CBX6: variants seen among roughly 807,000 people sequenced by gnomAD.
CBX6 encodes chromobox 6.
CBX6 carries 7 observed loss-of-function variants against 28.4 expected under a neutral mutation model. The observed-to-expected ratio is 0.25, with a 90% CI of 0.14 to 0.46. CBX6 has a LOEUF of 0.46. Ranked by LOEUF, CBX6 falls within the 20% of genes least tolerant of loss-of-function variation. CBX6 has a pLI of 0.99. For missense variants in CBX6, 512 were observed against 606.1 expected (o/e 0.84, Z 1.63); for synonymous variants, 297 against 273.4 (o/e 1.09, Z -0.85).
Position 38,870,053 on chromosome 22 carries a change from A to C in CBX6, c.246+1427T>G, listed in dbSNP as rs950795134. 1 of 152,400 alleles carries C rather than the reference A, an allele frequency of 6.6e-6. No homozygotes were observed. Among genetic ancestry groups the C allele is most frequent in the Non-Finnish European group, 1.5e-5 (1 of 68,090 alleles). 9.4% of individuals were successfully genotyped at this position (152,400 alleles called of 1,614,324 possible). On this transcript the variant is annotated intron_variant, in intron 4 of 4. Coordinates refer to ENST00000407418, the MANE Select transcript of CBX6 (RefSeq NM_014292.5). The surrounding 1 kb of genome is among the most constrained non-coding windows in gnomAD (Gnocchi z 4.3). ...AAAAAGTCCTACTATCTGTGTCTCT[A>C]TCCCCTGCCACGCCAACTCTGCAGC...
Position 38,871,605 on chromosome 22 carries a change from T to A in CBX6, c.180-59A>T. 6.3e-7 allele frequency: 1 copy of A among 1,593,338 alleles called. No homozygotes were observed. Among genetic ancestry groups the A allele is most frequent in the Non-Finnish European group, 8.6e-7 (1 of 1,161,686 alleles). The stretch of plus-strand genomic sequence containing the variant: ...CCCCTTCCCGGGCCCCACTCCGCGC[T>A]GCCCTCCCCGGCTCTCCCGCTTCCC... On this transcript the variant is annotated intron_variant, in intron 3 of 4. Coordinates refer to ENST00000407418, the MANE Select transcript of CBX6 (RefSeq NM_014292.5). This position sits in a 1 kb window ranked among gnomAD's most constrained non-coding sequence, Gnocchi z 5.6.
chr22:38,866,701 C>A lies in CBX6; in HGVS notation c.747G>T (p.Lys249Asn). ...CAGGGCCCGGGGCTGAGGCCTCAGC[C>A]TTGCCGGGGGACGGGGCTACCAGGG... Reference protein sequence around the residue: ...PAPLVAPSPGKAEASAPGPGL... With the variant: ...PAPLVAPSPGNAEASAPGPGL... The change falls in exon 5 of 5, where the codon AAG becomes AAT. Residue 249 changes from lysine to asparagine, a missense_variant. Transcript: ENST00000407418. This position sits in a 1 kb window ranked among gnomAD's most constrained non-coding sequence, Gnocchi z 7.5. 1.4e-6 allele frequency: 2 copies of A among 1,383,858 alleles called. No homozygotes were observed. Among genetic ancestry groups the A allele is most frequent in the South Asian group, 1.2e-5 (1 of 80,652 alleles). The allele number at this position is 1,383,858 out of a possible 1,614,324, so 85.7% of individuals were successfully genotyped here. A position where few individuals can be genotyped will look rare whatever the true frequency, so the allele number is the denominator to read the frequency against.
At position 38,866,809 on chromosome 22, in the gene CBX6, C is replaced by T. The variant is rs764117325; in HGVS notation, c.639G>A (p.Lys213=). The part of the protein sequence containing the change: ...PSRNRVIGKS[K]KFSESVLRTQ... ...TACGCAGGACGCTCTCGCTGAACTT[C>T]TTGCTCTTGCCTATAACGCGGTTCC... Residue 213 remains lysine, a synonymous_variant, in exon 5 of 5, where the codon AAG becomes AAA. Coordinates refer to ENST00000407418, the MANE Select transcript of CBX6 (RefSeq NM_014292.5). This position sits in a 1 kb window ranked among gnomAD's most constrained non-coding sequence, Gnocchi z 7.5. The T allele has an allele frequency of 6.2e-7, 1 of 1,612,546 alleles. No individual in the cohort carries two copies. Among genetic ancestry groups the T allele is most frequent in the Non-Finnish European group, 8.5e-7 (1 of 1,179,440 alleles).
Position 38,862,529 on chromosome 22 carries a change from AAAAAAAAAAAAAAAAAG to A in CBX6, c.*3663_*3679del, listed in dbSNP as rs1436280036. On this transcript the variant is annotated 3_prime_UTR_variant, in exon 5 of 5. Transcript: ENST00000407418. ...GTGTGGGCGAAGTGCAAAAAAAAAAAAAAAAAAAAAAAAAAAGAAAGAAAGAAAAAAGAAAAACAAAA... is the reference window on the plus strand; with the variant it reads ...GTGTGGGCGAAGTGCAAAAAAAAAAAAAAGAAAGAAAAAAGAAAAACAAAA... 1 of 147,300 alleles carries A rather than the reference AAAAAAAAAAAAAAAAAG, an allele frequency of 6.8e-6. No homozygotes were observed. The highest frequency in any genetic ancestry group is 2.1e-4 in the South Asian group (1 of 4,748). The allele number at this position is 147,300 out of a possible 1,614,324, so 9.1% of individuals were successfully genotyped here. A position where few individuals can be genotyped will look rare whatever the true frequency, so the allele number is the denominator to read the frequency against.
rs866161457 is a variant in CBX6, at chr22:38,862,357, C to T, written c.*3852G>A. 1.3e-5 allele frequency: 2 copies of T among 152,012 alleles called. No individual in the cohort carries two copies. Among genetic ancestry groups the T allele is most frequent in the Non-Finnish European group, 2.9e-5 (2 of 68,004 alleles). The allele number at this position is 152,012 out of a possible 1,614,324, so 9.4% of individuals were successfully genotyped here. A position where few individuals can be genotyped will look rare whatever the true frequency, so the allele number is the denominator to read the frequency against. ...TGGGCTTTCTATATGAGAGGACATG[C>T]AGATAGGGAAGAAACTAAAACCTTT... On this transcript the variant is annotated 3_prime_UTR_variant, in exon 5 of 5. Coordinates refer to ENST00000407418, the MANE Select transcript of CBX6 (RefSeq NM_014292.5).
Position 38,871,569 on chromosome 22 carries a change from G to A in CBX6, c.180-23C>T, listed in dbSNP as rs74361001. On this transcript the variant is annotated intron_variant, in intron 3 of 4. Coordinates refer to ENST00000407418, the MANE Select transcript of CBX6 (RefSeq NM_014292.5). The surrounding 1 kb of genome is among the most constrained non-coding windows in gnomAD (Gnocchi z 5.6). ...TCCCTGCGGCCGAAAAACACCAGAG[G>A]TTAAAAAGAGCCCCTTCCCGGGCCC... 119 of 1,613,472 alleles carry A rather than the reference G, an allele frequency of 7.4e-5. No homozygotes were observed. Among genetic ancestry groups the A allele is most frequent in the Non-Finnish European group, 9.6e-5 (113 of 1,179,720 alleles).
chr22:38,867,095 C>T lies in CBX6; in HGVS notation c.353G>A (p.Arg118Gln). Residue 118 changes from arginine (R) to glutamine (Q), a missense_variant, in exon 5 of 5, where the codon CGG (arginine) becomes CAG (glutamine). Transcript: ENST00000407418. ...PKLHSSAAVH[R>Q]LKKDIRRCHR... ...GCAGCGGCGGATGTCCTTCTTGAGC[C>T]GGTGCACGGCTGCGCTGGAGTGCAG... 6.3e-7 allele frequency: 1 copy of T among 1,597,066 alleles called. No individual in the cohort carries two copies. Among genetic ancestry groups the T allele is most frequent in the Non-Finnish European group, 8.5e-7 (1 of 1,174,012 alleles).
rs1235938803 is a variant in CBX6, at chr22:38,872,079, C to T, written c.69+43G>A. ...CGCCCCGAGGGCCCCCGGCCCCGGC[C>T]CCGGCTGCGGACAGCGGCGGCCCGC... On this transcript the variant is annotated intron_variant, in intron 1 of 4. Transcript: ENST00000407418. This position sits in a 1 kb window ranked among gnomAD's most constrained non-coding sequence, Gnocchi z 5.0. 1 of 1,314,604 alleles carries T rather than the reference C, an allele frequency of 7.6e-7. No individual in the cohort carries two copies. The allele number at this position is 1,314,604 out of a possible 1,614,324, so 81.4% of individuals were successfully genotyped here.
Position 38,861,873 on chromosome 22 carries a change from T to C in CBX6, c.*4336A>G, listed in dbSNP as rs1456438596. The stretch of plus-strand genomic sequence containing the variant: ...AAGAGACAGTGCCCCTCCCCAAATA[T>C]AGAGCTATATATGTATATTTTATAT... On this transcript the variant is annotated 3_prime_UTR_variant, in exon 5 of 5. Coordinates refer to ENST00000407418, the MANE Select transcript of CBX6 (RefSeq NM_014292.5). The C allele has an allele frequency of 2.0e-5, 3 of 152,214 alleles. No homozygotes were observed. The highest frequency in any genetic ancestry group is 4.8e-5 in the African/African-American group (2 of 41,440). The allele number at this position is 152,214 out of a possible 1,614,324, so 9.4% of individuals were successfully genotyped here. A position where few individuals can be genotyped will look rare whatever the true frequency, so the allele number is the denominator to read the frequency against.
chr22:38,867,395 C>A (rs776538292), intron 4 of CBX6, among the ~76,000 whole-genome samples, 194 bp from the exon 5 acceptor site: 1 of 152,202 alleles, frequency 6.6e-6, no homozygotes, highest in Non-Finnish European at 1.5e-5. Context: ...TTGCCTCTGA[C>A]TCCAAGGTCA....
rs1488098802 is a variant in CBX6, at chr22:38,866,201, G to T, written c.*8C>A. The T allele has an allele frequency of 3.2e-6, 5 of 1,586,198 alleles. No individual in the cohort carries two copies. Among genetic ancestry groups the T allele is most frequent in the African/African-American group, 2.7e-5 (2 of 74,384 alleles). ...CCCCCCCAAGCCCCCCTCCTTGGTG[G>T]AGCCCCCTCACTTGCTCGCCCCAAT... On this transcript the variant is annotated 3_prime_UTR_variant, in exon 5 of 5. Coordinates refer to ENST00000407418, the MANE Select transcript of CBX6 (RefSeq NM_014292.5). This position sits in a 1 kb window ranked among gnomAD's most constrained non-coding sequence, Gnocchi z 7.5.
Position 38,871,563 on chromosome 22 carries a change from C to A in CBX6, c.180-17G>T. On this transcript the variant is annotated splice_polypyrimidine_tract_variant and intron_variant, in intron 3 of 4. Coordinates refer to ENST00000407418, the MANE Select transcript of CBX6 (RefSeq NM_014292.5). The surrounding 1 kb of genome is among the most constrained non-coding windows in gnomAD (Gnocchi z 5.6). ...TCCCTCTCCCTGCGGCCGAAAAACA[C>A]CAGAGGTTAAAAAGAGCCCCTTCCC... The A allele has an allele frequency of 1.2e-6, 2 of 1,613,718 alleles. No individual in the cohort carries two copies. The highest frequency in any genetic ancestry group is 1.7e-6 in the Non-Finnish European group (2 of 1,179,802).
chr22:38,869,096 T>C (rs1317315560), intron 4 of CBX6, among the ~76,000 whole-genome samples: 1 of 152,192 alleles, frequency 6.6e-6, no homozygotes, highest in Non-Finnish European at 1.5e-5. Flanking sequence ...TCCCAGGGAT[T>C]GGGCCCCTCA....
chr22:38,866,186 C>A lies in CBX6; in HGVS notation c.*23G>T. 1 of 1,523,454 alleles carries A rather than the reference C, an allele frequency of 6.6e-7. No homozygotes were observed. The highest frequency in any genetic ancestry group is 1.2e-5 in the South Asian group (1 of 84,726). 94.4% of individuals were successfully genotyped at this position (1,523,454 alleles called of 1,614,324 possible). A position where few individuals can be genotyped will look rare whatever the true frequency, so the allele number is the denominator to read the frequency against. On this transcript the variant is annotated 3_prime_UTR_variant, in exon 5 of 5. Transcript: ENST00000407418. This position sits in a 1 kb window ranked among gnomAD's most constrained non-coding sequence, Gnocchi z 7.5. The stretch of plus-strand genomic sequence containing the variant: ...CTTCGGGCAGGAGGGCCCCCCCAAG[C>A]CCCCCTCCTTGGTGGAGCCCCCTCA...
intron 4 of CBX6, chr22:38,869,904 G>C (rs1464014088): frequency 6.6e-6 from 1 of 152,202 alleles, no homozygotes; most frequent in African/African-American, 2.4e-5. Context: ...AGTGTAATTT[G>C]CTGACTCTGC....
Position 38,866,760 on chromosome 22 carries a change from C to T in CBX6, c.688G>A (p.Gly230Ser), listed in dbSNP as rs772372086. 1.9e-6 allele frequency: 3 copies of T among 1,611,016 alleles called. No homozygotes were observed. The highest frequency in any genetic ancestry group is 1.7e-6 in the Non-Finnish European group (2 of 1,178,674). The change falls in exon 5 of 5, where the codon GGC (glycine) becomes AGC (serine). Residue 230 changes from glycine to serine, a missense_variant. By Grantham distance (56) the Gly-to-Ser change is moderately conservative. Coordinates refer to ENST00000407418, the MANE Select transcript of CBX6 (RefSeq NM_014292.5). This position sits in a 1 kb window ranked among gnomAD's most constrained non-coding sequence, Gnocchi z 7.5. ...LRTQIRHMKF[G>S]AFALYKPPPA... ...GGAGGCTTGTACAGCGCAAAGGCGCCGAACTTCATGTGGCGGATCTGTGTA... is the reference window on the plus strand; with the variant it reads ...GGAGGCTTGTACAGCGCAAAGGCGCTGAACTTCATGTGGCGGATCTGTGTA...
In CBX6 at chr22:38,872,132, CG is replaced by C; in HGVS notation, c.58del (p.Arg20GlyfsTer11). 7.0e-7 allele frequency: 1 copy of C among 1,422,464 alleles called. No individual in the cohort carries two copies. Among genetic ancestry groups the C allele is most frequent in the Non-Finnish European group, 9.3e-7 (1 of 1,073,108 alleles). 88.1% of individuals were successfully genotyped at this position (1,422,464 alleles called of 1,614,324 possible). ...CGGGCGGCGGCTCACCTTTCGGATCCGCCGTTTGATGATGGATTCGGCCGCG... is the reference window on the plus strand; with the variant it reads ...CGGGCGGCGGCTCACCTTTCGGATCCCCGTTTGATGATGGATTCGGCCGCG... ...VFAAESIIKRRIRKGRIEYLV... is the reference protein window; with the variant it reads ...VFAAESIIKRXIRKGRIEYLV... On this transcript the variant is annotated frameshift_variant, in exon 1 of 5. Transcript: ENST00000407418. LOFTEE classifies it high-confidence loss of function. This position sits in a 1 kb window ranked among gnomAD's most constrained non-coding sequence, Gnocchi z 5.0.
chr22:38,868,726 G>A (rs375046151), intron 4 of CBX6, among the ~76,000 whole-genome samples: 8 of 152,110 alleles, frequency 5.3e-5, no homozygotes, highest in Admixed American at 1.3e-4. Context: ...ATGTCCCCAC[G>A]GTTGGTCTGT....
rs757736292 is a variant in CBX6, at chr22:38,867,053, C to T, written c.395G>A (p.Arg132His). 3.1e-6 allele frequency: 5 copies of T among 1,605,476 alleles called. No homozygotes were observed. The Admixed American group carries it at 6.7e-5, about 22-fold the overall frequency. The change falls in exon 5 of 5, where the codon CGT becomes CAT. Residue 132 changes from arginine (R) to histidine (H), a missense_variant. By Grantham distance (29) the Arg-to-His change is conservative. Coordinates refer to ENST00000407418, the MANE Select transcript of CBX6 (RefSeq NM_014292.5). ...DIRRCHRMSR[R>H]PLPRPDPQGG... ...CTGCGGGTCCGGGCGGGGCAGGGGA[C>T]GGCGGGACATACGGTGGCAGCGGCG...
Sources: gnomAD v4.1 joint callset for allele counts (sites outside exome capture counted in the v4.1 genomes callset) on GRCh38, gnomAD v4.1.1 for gene constraint, Gnocchi (gnomAD v3.1) non-coding constraint, MANE v1.5 for transcripts, NCBI Gene and HGNC (gene_info 2026-07-23, HGNC 2026-07-21) for gene names.